Variants in ANO3 observed in about 807,000 individuals in gnomAD.
ANO3 encodes anoctamin 3.
ANO3 carries 99 observed loss-of-function variants against 144.8 expected under a neutral mutation model. The ratio of observed to expected loss-of-function variants is 0.68; its 90% CI spans 0.58 to 0.81. The LOEUF is 0.81. Among genes scored for constraint, ANO3 ranks in the 30% least tolerant of loss-of-function variants. ANO3 has a pLI of 0.00. For missense variants in ANO3, 905 were observed against 1,202.2 expected, an observed-to-expected ratio of 0.75 and a Z score of 3.66; for synonymous variants, 414 against 392.6, an observed-to-expected ratio of 1.05 and a Z score of -0.64.
intron 1 of ANO3, among the ~76,000 whole-genome samples, chr11:26,410,766 C>G (rs1857408563): frequency 6.6e-6 from 1 of 151,972 alleles, no homozygotes; most frequent in Admixed American, 6.6e-5. Context: ...CTGGAACTGT[C>G]TGAATGTAGA....
intron 5 of ANO3, among the ~76,000 whole-genome samples, chr11:26,512,251 A>G (rs776558070): frequency 3.3e-5 from 5 of 152,166 alleles, no homozygotes; most frequent in Non-Finnish European, 5.9e-5. Flanking sequence ...GTAAAAACGT[A>G]ATTTTTAAGT....
intron 1 of ANO3, among the ~76,000 whole-genome samples, chr11:26,324,882 TA>T (rs1352134008): frequency 2.0e-5 from 3 of 152,178 alleles, no homozygotes; most frequent in East Asian, 1.9e-4. Flanking sequence ...TTAAATACCT[TA>T]AAAAATATTT....
At chr11:26,364,370 A>G (rs996250868) in intron 1 of ANO3, among the ~76,000 whole-genome samples, 2 of 152,180 alleles carry the variant, frequency 1.3e-5, no homozygotes, top group Admixed American at 1.3e-4. Context: ...TAATTCTAAA[A>G]TATCATTTCC....
intron 1 of ANO3, among the ~76,000 whole-genome samples, chr11:26,378,051 T>A (rs919232882): frequency 4.3e-4 from 65 of 152,170 alleles, no homozygotes; most frequent in African/African-American, 1.5e-3. Context: ...TAAAGCATTA[T>A]ATTTTCATAC....
intron 1 of ANO3, among the ~76,000 whole-genome samples, chr11:26,225,882 A>C (rs1412153409): frequency 1.3e-5 from 2 of 152,148 alleles, no homozygotes; most frequent in Non-Finnish European, 2.9e-5. Context: ...ATTTCACACA[A>C]CAGATGGTAG....
In ANO3 at chr11:26,598,293, A is replaced by T. The variant is rs983666733; in HGVS notation, c.1448-72A>T. 36 of 673,192 alleles carry T rather than the reference A, an allele frequency of 5.3e-5. No individual in the cohort carries two copies. The African/African-American group carries it at 6.3e-4, about 12-fold the overall frequency. 41.7% of individuals were successfully genotyped at this position (673,192 alleles called of 1,614,324 possible). A position where few individuals can be genotyped will look rare whatever the true frequency, so the allele number is the denominator to read the frequency against. On this transcript the variant is annotated intron_variant, in intron 14 of 26. Coordinates refer to ENST00000256737, the MANE Select transcript of ANO3 (RefSeq NM_031418.4). ...AATTTAATTTTAATTATGAGATAAG[A>T]TATCTCAATATAAAGAAGAAAAGCA... is the stretch of plus-strand genomic sequence containing the variant.
chr11:26,646,596 TA>T (rs577474922), intron 23 of ANO3, among the ~76,000 whole-genome samples: 1 of 152,246 alleles, frequency 6.6e-6, no homozygotes, highest in African/African-American at 2.4e-5. Context: ...TGGATTTTTT[TA>T]AATCTTATTT....
chr11:26,647,610 G>A, intron 23 of ANO3, 99 bp from the exon 24 acceptor site: 3 of 1,152,108 alleles, frequency 2.6e-6, no homozygotes, highest in Non-Finnish European at 3.7e-6. Context: ...CAGAGCTGTG[G>A]TTCCAACATA....
At chr11:26,512,331 G>T (rs1861696703) in intron 5 of ANO3, among the ~76,000 whole-genome samples, 1 of 152,156 alleles carries the variant, frequency 6.6e-6, no homozygotes. Context: ...ATAATAATGT[G>T]AAGTGTGAAG....
At chr11:26,502,707 T>G (rs1861246124) in intron 4 of ANO3, among the ~76,000 whole-genome samples, 1 of 152,140 alleles carries the variant, frequency 6.6e-6, no homozygotes, top group Non-Finnish European at 1.5e-5. Flanking sequence ...TAGAGCATTG[T>G]AATGCAATGT....
chr11:26,225,445 C>T (rs927945356), intron 1 of ANO3, among the ~76,000 whole-genome samples: 1 of 152,126 alleles, frequency 6.6e-6, no homozygotes, highest in African/African-American at 2.4e-5. Flanking sequence ...TGTTAATTAG[C>T]TGCCTGACAC....
rs574701010 is a variant in ANO3 at position 26,304,125 on chromosome 11, T to C, written c.155-5520T>C. Among the ~76,000 whole-genome samples, 4 of 152,350 alleles carry C rather than the reference T, an allele frequency of 2.6e-5. No homozygotes were observed. In the East Asian group the frequency reaches 7.7e-4, roughly 29 times the overall value. On this transcript the variant is annotated intron_variant, in intron 1 of 27. Transcript: ENST00000672621. ...GGTATTATATTCTTGTTTTGATTCA[T>C]TTTCTTCGATTACTACTAAGGATTA...
At chr11:26,252,701 G>A (rs1335164180) in intron 1 of ANO3, among the ~76,000 whole-genome samples, 2 of 152,104 alleles carry the variant, frequency 1.3e-5, no homozygotes, top group East Asian at 3.9e-4. Context: ...AGTATGGACT[G>A]GACAGACCTA....
At chr11:26,639,486 T>C (rs1469994484) in intron 21 of ANO3, among the ~76,000 whole-genome samples, 1 of 152,218 alleles carries the variant, frequency 6.6e-6, no homozygotes, top group Non-Finnish European at 1.5e-5. Context: ...GAATAATGAA[T>C]GTAGAGTAAC....
intron 1 of ANO3, among the ~76,000 whole-genome samples, chr11:26,343,424 T>C (rs1855414951): frequency 6.6e-6 from 1 of 152,238 alleles, no homozygotes; most frequent in African/African-American, 2.4e-5. Flanking sequence ...ATGGGAATGC[T>C]GGATCACATG....
chr11:26,464,470 A>G (rs1859527032), intron 4 of ANO3, among the ~76,000 whole-genome samples: 1 of 151,874 alleles, frequency 6.6e-6, no homozygotes, highest in Non-Finnish European at 1.5e-5. Flanking sequence ...AATATGCTGA[A>G]ATAATTAGAA....
intron 1 of ANO3, among the ~76,000 whole-genome samples, chr11:26,364,885 C>T (rs1054018139): frequency 7.9e-5 from 12 of 152,100 alleles, no homozygotes; most frequent in East Asian, 3.9e-4. Flanking sequence ...TCTCCCATTG[C>T]GAAATACAAT....
intron 4 of ANO3, among the ~76,000 whole-genome samples, chr11:26,465,785 G>T (rs554078024): frequency 2.6e-5 from 4 of 151,966 alleles, no homozygotes; most frequent in South Asian, 4.1e-4. Flanking sequence ...TAAACATTTG[G>T]TTTATCAATC....
intron 24 of ANO3, among the ~76,000 whole-genome samples, chr11:26,650,046 T>G (rs1853478865): frequency 6.6e-6 from 1 of 152,166 alleles, no homozygotes; most frequent in Non-Finnish European, 1.5e-5. Flanking sequence ...GCCTTTCGTG[T>G]AGATAGCGCC....
Sources: allele counts gnomAD v4.1 joint callset (sites outside exome capture counted in the v4.1 genomes callset), GRCh38; gene constraint gnomAD v4.1.1; transcripts MANE v1.5; gene names NCBI Gene and HGNC (gene_info 2026-07-23, HGNC 2026-07-21).